Variants in SLC4A7 observed in about 807,000 individuals in gnomAD.
SLC4A7 encodes the protein solute carrier family 4 member 7.
In SLC4A7, 51 loss-of-function variants were observed where a neutral mutation model predicts 137.6. That is an observed-to-expected ratio of 0.37 (90% CI 0.30 to 0.47). The LOEUF is 0.47. Ranked by LOEUF, SLC4A7 falls within the 20% of genes least tolerant of loss-of-function variation. SLC4A7 has a pLI of 1.00. For missense variants in SLC4A7, 1,247 were observed against 1,525.4 expected (o/e 0.82, Z 3.04); for synonymous variants, 542 against 518.6 (o/e 1.05, Z -0.61).
intron 1 of SLC4A7, among the ~76,000 whole-genome samples, chr3:27,453,354 C>T (rs180693793): frequency 4.1e-4 from 63 of 152,344 alleles, no homozygotes; most frequent in African/African-American, 1.3e-3. Context: ...GTTGCTCACG[C>T]CTATAATTGG....
At chr3:27,388,095 T>C (rs60883766) in intron 22 of SLC4A7, among the ~76,000 whole-genome samples, 4,834 of 152,302 alleles carry the variant, frequency 0.032, 258 homozygotes, top group African/African-American at 0.11. Flanking sequence ...TTATTAATTC[T>C]ATTAAGGGCT....
intron 13 of SLC4A7, 123 bp downstream of exon 13, chr3:27,409,233 G>C (rs2053676365): frequency 1.4e-6 from 1 of 696,266 alleles, no homozygotes; most frequent in Non-Finnish European, 2.3e-6. Flanking sequence ...AGTCTGCTTT[G>C]GGTCACGTTA....
At chr3:27,454,124 A>G (rs1315664980) in intron 1 of SLC4A7, among the ~76,000 whole-genome samples, 1 of 152,182 alleles carries the variant, frequency 6.6e-6, no homozygotes, top group South Asian at 2.1e-4. Context: ...AGCCTAGACA[A>G]CATAGCAAGA....
intron 23 of SLC4A7, among the ~76,000 whole-genome samples, chr3:27,384,245 G>T (rs2050716197): frequency 6.6e-6 from 1 of 152,176 alleles, no homozygotes. Context: ...GTAGGATCAT[G>T]AGGTGCAAGT....
At chr3:27,455,005 CAT>C (rs1364053847) in intron 1 of SLC4A7, among the ~76,000 whole-genome samples, 3 of 143,252 alleles carry the variant, frequency 2.1e-5, no homozygotes, top group Non-Finnish European at 4.7e-5. Context: ...CCAAACATGA[CAT>C]GTTAAAAAAA....
intron 3 of SLC4A7, among the ~76,000 whole-genome samples, chr3:27,440,247 T>G (rs1182086820): frequency 6.6e-6 from 1 of 152,160 alleles, no homozygotes; most frequent in Non-Finnish European, 1.5e-5. Flanking sequence ...CAAATTCCCT[T>G]ACTTTTTCCA....
At chr3:27,473,781 G>T (rs1399074023) in intron 1 of SLC4A7, among the ~76,000 whole-genome samples, 1 of 148,992 alleles carries the variant, frequency 6.7e-6, no homozygotes, top group African/African-American at 2.5e-5. Flanking sequence ...AGTTATTCTC[G>T]AAATTTGTGA....
intron 6 of SLC4A7, among the ~76,000 whole-genome samples, chr3:27,431,890 T>C (rs1172434904): frequency 6.6e-6 from 1 of 152,206 alleles, no homozygotes; most frequent in Non-Finnish European, 1.5e-5. Context: ...TAAAAAAAAA[T>C]TGTTAATGAC....
chr3:27,476,634 T>A (rs1399352123), intron 1 of SLC4A7, among the ~76,000 whole-genome samples: 2 of 152,174 alleles, frequency 1.3e-5, no homozygotes, highest in Non-Finnish European at 2.9e-5. Flanking sequence ...CTCATTGTTC[T>A]CATTAGTTCT....
Position 27,436,393 on chromosome 3 carries a change from A to ATTTCATCTAGAGTGCTTGC in SLC4A7, c.565_583dup (p.Ile195SerfsTer6), listed in dbSNP as rs769665534. 1.2e-6 allele frequency: 2 copies of ATTTCATCTAGAGTGCTTGC among 1,608,404 alleles called. No individual in the cohort carries two copies. The highest frequency in any genetic ancestry group is 1.7e-6 in the Non-Finnish European group (2 of 1,177,554). On this transcript the variant is annotated stop_gained and frameshift_variant, in exon 5 of 26. Coordinates refer to ENST00000454389, the MANE Select transcript of SLC4A7 (RefSeq NM_001321103.2). LOFTEE classifies it high-confidence loss of function. Reference sequence around the variant, plus strand: ...AAAAGTCAGTTTACTATAACCTGCTATTTCATCTAGAGTGCTTGCTCTCAT... The same window carrying ATTTCATCTAGAGTGCTTGC: ...AAAAGTCAGTTTACTATAACCTGCTATTTCATCTAGAGTGCTTGCTTTCATCTAGAGTGCTTGCTCTCAT...
intron 21 of SLC4A7, 90 bp from the exon 22 acceptor site, chr3:27,390,194 T>G: frequency 1.4e-6 from 1 of 728,702 alleles, no homozygotes; most frequent in Non-Finnish European, 2.3e-6. Flanking sequence ...GGATTTTGTG[T>G]ATTAAATTGT....
intron 16 of SLC4A7, among the ~76,000 whole-genome samples, chr3:27,400,007 A>C (rs1576211767): frequency 6.6e-6 from 1 of 152,348 alleles, no homozygotes; most frequent in East Asian, 1.9e-4. Flanking sequence ...GTTAGGAACT[A>C]TCACCTTTAG....
chr3:27,377,869 A>T lies in SLC4A7; in HGVS notation c.3699-1024T>A, dbSNP rs149496320. On this transcript the variant is annotated intron_variant, in intron 25 of 25. Coordinates refer to ENST00000454389, the MANE Select transcript of SLC4A7 (RefSeq NM_001321103.2). ...CTGAAGAATAGACCCCAATCCCCAA[A>T]CATTTTCCTGTTAAACAACATAGCC... Among the ~76,000 whole-genome samples the T allele has an allele frequency of 5.1e-3, 769 of 152,254 alleles. 2 individuals carry two copies. The highest frequency in any genetic ancestry group is 0.014 in the Middle Eastern group (4 of 292).
chr3:27,385,811 A>T, intron 23 of SLC4A7, 81 bp downstream of exon 23: 1 of 924,950 alleles, frequency 1.1e-6, no homozygotes, highest in African/African-American at 1.7e-5. Context: ...ATTCATGTAA[A>T]GTGATTATAA....
intron 3 of SLC4A7, among the ~76,000 whole-genome samples, chr3:27,440,399 A>T (rs2057095686): frequency 6.6e-6 from 1 of 152,088 alleles, no homozygotes. Context: ...ATATCAGGCC[A>T]ACCTGCATAA....
At chr3:27,406,115 C>T (rs2053321238) in intron 13 of SLC4A7, among the ~76,000 whole-genome samples, 2 of 152,160 alleles carry the variant, frequency 1.3e-5, no homozygotes, top group Admixed American at 6.5e-5. Context: ...AGCGCAGCAA[C>T]AGGCAAAGAG....
At chr3:27,454,927 T>A (rs1362499357) in intron 1 of SLC4A7, among the ~76,000 whole-genome samples, 1 of 151,986 alleles carries the variant, frequency 6.6e-6, no homozygotes, top group Non-Finnish European at 1.5e-5. Context: ...TTATTTACTA[T>A]ACTTATTTAA....
chr3:27,455,838 C>A (rs756190722), intron 1 of SLC4A7, among the ~76,000 whole-genome samples: 1 of 151,846 alleles, frequency 6.6e-6, no homozygotes, highest in African/African-American at 2.4e-5. Context: ...GCCTGGGCAA[C>A]AGAACGAGAC....
intron 7 of SLC4A7, chr3:27,424,481 T>C (rs2055339250): frequency 5.6e-6 from 1 of 177,592 alleles, no homozygotes. Context: ...ACTTAGGGAA[T>C]ATACTTTTAA....
Sources: gnomAD v4.1 joint callset for allele counts (sites outside exome capture counted in the v4.1 genomes callset) on GRCh38, gnomAD v4.1.1 for gene constraint, MANE v1.5 for transcripts, NCBI Gene and HGNC (gene_info 2026-07-23, HGNC 2026-07-21) for gene names.